MTMR8: variants seen among roughly 807,000 people sequenced by gnomAD.
MTMR8 encodes myotubularin related protein 8.
MTMR8 carries 65 observed loss-of-function variants against 39.3 expected under a neutral mutation model. That is an observed-to-expected ratio of 1.65 (90% CI 1.35 to 2.03). The LOEUF (loss-of-function observed/expected upper bound fraction) is 2.03, where lower values mean the gene tolerates loss of function less well. MTMR8 is among the 30% of genes most tolerant of loss of function. The probability of loss-of-function intolerance (pLI) is 0.00; values close to 1 mark genes in which losing one functional copy is unlikely to be tolerated. For missense variants in MTMR8, 777 were observed against 538.9 expected, an observed-to-expected ratio of 1.44 and a Z score of -4.37; for synonymous variants, 245 against 185.2, an observed-to-expected ratio of 1.32 and a Z score of -2.62.
intron 3 of MTMR8, 134 bp from the exon 4 acceptor site, chrX:64,355,068 G>A (rs1226682798): frequency 7.9e-6 from 4 of 504,699 alleles, no homozygotes; most frequent in African/African-American, 7.4e-5. Context: ...GGACTGTGGT[G>A]TGTGCAAGTT....
At chrX:64,316,734 C>T (rs1291081000) in intron 12 of MTMR8, among the ~76,000 whole-genome samples, 1 of 111,373 alleles carries the variant, frequency 9.0e-6, no homozygotes, top group Non-Finnish European at 1.9e-5. Context: ...CTTCTGGCTT[C>T]CATGATTTCT....
intron 12 of MTMR8, among the ~76,000 whole-genome samples, chrX:64,304,779 T>G (rs901018374): frequency 2.0e-5 from 2 of 99,309 alleles, no homozygotes; most frequent in African/African-American, 7.0e-5. Flanking sequence ...TTTTCTGTGA[T>G]TCCAAATGAA....
chrX:64,317,111 C>CAAA (rs1203927676), intron 12 of MTMR8, among the ~76,000 whole-genome samples: 109 of 46,087 alleles, frequency 2.4e-3, no homozygotes, highest in African/African-American at 6.6e-3. Flanking sequence ...GACTGTGTCT[C>CAAA]AAAAAAAAAA....
intron 1 of MTMR8, among the ~76,000 whole-genome samples, chrX:64,393,321 G>C (rs771038567): frequency 4.3e-4 from 48 of 111,991 alleles, no homozygotes; most frequent in Non-Finnish European, 6.9e-4. Context: ...CACAGTGCCT[G>C]TCACATAGTT....
chrX:64,311,612 G>A (rs935403641), intron 12 of MTMR8, among the ~76,000 whole-genome samples: 1 of 111,352 alleles, frequency 9.0e-6, no homozygotes, highest in Non-Finnish European at 1.9e-5. Context: ...TTCTTCTAGG[G>A]TTTTTATGGT....
chrX:64,341,697 A>G (rs1010737783), intron 8 of MTMR8, among the ~76,000 whole-genome samples: 2 of 111,302 alleles, frequency 1.8e-5, no homozygotes, highest in Non-Finnish European at 3.8e-5. Context: ...CAAGTGCTCA[A>G]TTTCCACATG....
intron 1 of MTMR8, among the ~76,000 whole-genome samples, chrX:64,383,991 G>A (rs998312509): frequency 9.0e-6 from 1 of 111,695 alleles, no homozygotes; most frequent in African/African-American, 3.3e-5. Flanking sequence ...TTTCTAGCCT[G>A]TAAAATCAAA....
At position 64,305,022 on chromosome X, in the gene MTMR8, C is replaced by T. The variant is rs1922057538; in HGVS notation, c.1481+23750G>A. 3.2e-5 allele frequency: 5 copies of T among 155,716 alleles called. No homozygotes were observed. The South Asian group carries it at 6.1e-4, about 19-fold the overall frequency. The allele number at this position is 155,716 out of a possible 1,213,427, so 12.8% of individuals were successfully genotyped here. On this transcript the variant is annotated intron_variant, in intron 12 of 13. Transcript: ENST00000374852. The stretch of plus-strand genomic sequence containing the variant: ...TATGTATGTATGTATATAAATTGTA[C>T]CTAACTTCCACAATACTGTTCTAAA...
intron 12 of MTMR8, among the ~76,000 whole-genome samples, chrX:64,284,877 A>C (rs763402861): frequency 8.9e-6 from 1 of 112,475 alleles, no homozygotes; most frequent in African/African-American, 3.2e-5. Context: ...AACAGGCTAA[A>C]TCGTAAAGAC....
intron 12 of MTMR8, among the ~76,000 whole-genome samples, chrX:64,284,537 T>G (rs914995030): frequency 4.5e-5 from 5 of 111,028 alleles, no homozygotes; most frequent in Non-Finnish European, 9.4e-5. Flanking sequence ...TTCATCAAAG[T>G]TGAAATGAAG....
intron 1 of MTMR8, among the ~76,000 whole-genome samples, chrX:64,394,270 C>A (rs948645038): frequency 8.9e-6 from 1 of 111,790 alleles, no homozygotes; most frequent in Non-Finnish European, 1.9e-5. Context: ...GTGAGAATTA[C>A]GGAAGCTACA....
At chrX:64,275,512 A>G (rs1195877824) in intron 12 of MTMR8, among the ~76,000 whole-genome samples, 1 of 109,439 alleles carries the variant, frequency 9.1e-6, no homozygotes, top group Non-Finnish European at 1.9e-5. Context: ...CCTGGACTAC[A>G]TAGAGAGGCC....
chrX:64,352,923 G>C (rs755746603), intron 4 of MTMR8, among the ~76,000 whole-genome samples: 15 of 111,239 alleles, frequency 1.3e-4, no homozygotes, highest in Non-Finnish European at 2.6e-4. Context: ...AAATACTCTT[G>C]TGGCTCACAA....
chrX:64,305,986 C>G (rs1009364732), intron 12 of MTMR8: 5 of 189,989 alleles, frequency 2.6e-5, no homozygotes, highest in Non-Finnish European at 4.9e-5. Flanking sequence ...TGTGGTGGCA[C>G]GCACTTGTGG....
chrX:64,277,503 A>G (rs965993308), intron 12 of MTMR8, among the ~76,000 whole-genome samples: 2 of 111,807 alleles, frequency 1.8e-5, no homozygotes, highest in African/African-American at 3.3e-5. Context: ...TTCACTTATG[A>G]AGCTTAGTTT....
chrX:64,373,673 T>G (rs1924185678), intron 1 of MTMR8, among the ~76,000 whole-genome samples: 2 of 111,033 alleles, frequency 1.8e-5, no homozygotes, highest in Non-Finnish European at 3.8e-5. Context: ...GGAAGGGAAC[T>G]GAAAAAACCT....
rs747476662 is a variant in MTMR8, at chrX:64,335,810, T to G, written c.1151+269A>C. ...GTGCAATGTTAAGCACTTTTCCTTC[T>G]GTAGCCTGTGATGCCTTGTTCTTCC... On this transcript the variant is annotated intron_variant, in intron 10 of 13. Transcript: ENST00000374852. Among the ~76,000 whole-genome samples the G allele has an allele frequency of 3.4e-4, 38 of 112,407 alleles. No homozygotes were observed. The East Asian group carries it at 8.7e-3, about 26-fold the overall frequency.
chrX:64,281,299 T>C (rs905693399), intron 12 of MTMR8, among the ~76,000 whole-genome samples: 22 of 111,801 alleles, frequency 2.0e-4, no homozygotes, highest in Non-Finnish European at 3.6e-4. Flanking sequence ...CTTCACACTA[T>C]ACTACAAGGC....
intron 12 of MTMR8, among the ~76,000 whole-genome samples, chrX:64,276,222 T>A (rs1931869189): frequency 9.0e-6 from 1 of 111,139 alleles, no homozygotes; most frequent in Non-Finnish European, 1.9e-5. Context: ...TCTGGTCTTC[T>A]GCTAGAATTT....
Sources: gnomAD v4.1 joint callset for allele counts (sites outside exome capture counted in the v4.1 genomes callset) on GRCh38, gnomAD v4.1.1 for gene constraint, MANE v1.5 for transcripts, NCBI Gene and HGNC (gene_info 2026-07-23, HGNC 2026-07-21) for gene names.